ROBO2: variants seen among roughly 807,000 people sequenced by gnomAD.
The protein encoded by ROBO2 is roundabout homolog 2.
ROBO2 carries 53 observed loss-of-function variants against 160.8 expected under a neutral mutation model. The ratio of observed to expected loss-of-function variants is 0.33; its 90% CI spans 0.26 to 0.41. The LOEUF (loss-of-function observed/expected upper bound fraction) is 0.41, where lower values mean the gene tolerates loss of function less well. Among genes scored for constraint, ROBO2 ranks in the 10% least tolerant of loss-of-function variants. ROBO2 has a pLI of 1.00. For synonymous variants in ROBO2, 664 were observed against 611.7 expected (o/e 1.09, Z -1.26); for missense variants, 1,577 against 1,722.4 (o/e 0.92, Z 1.49).
intron 2 of ROBO2, among the ~76,000 whole-genome samples, chr3:76,657,731 A>T (rs13315480): frequency 0.084 from 11,101 of 132,044 alleles, 472 homozygotes; most frequent in Non-Finnish European, 0.093. Flanking sequence ...TTCATATATG[A>T]GTGTATATAT....
At chr3:76,729,344 C>G (rs558042951) in intron 2 of ROBO2, among the ~76,000 whole-genome samples, 1 of 151,910 alleles carries the variant, frequency 6.6e-6, no homozygotes, top group Admixed American at 6.6e-5. Context: ...TAGAAATTGA[C>G]TCTGAAAACA....
At chr3:76,492,138 C>T (rs552697840) in intron 2 of ROBO2, among the ~76,000 whole-genome samples, 1 of 151,814 alleles carries the variant, frequency 6.6e-6, no homozygotes, top group Non-Finnish European at 1.5e-5. Flanking sequence ...AAAAAAAACA[C>T]CCCCAAAACT....
chr3:75,950,688 G>A (rs1371192715), intron 2 of ROBO2, among the ~76,000 whole-genome samples: 3 of 150,134 alleles, frequency 2.0e-5, no homozygotes, highest in African/African-American at 7.4e-5. Context: ...TCTGTGTAGA[G>A]CTTATGTATT....
chr3:77,468,837 G>C (rs1041766932), intron 2 of ROBO2, among the ~76,000 whole-genome samples: 1 of 152,210 alleles, frequency 6.6e-6, no homozygotes, highest in African/African-American at 2.4e-5. Flanking sequence ...GGAGGTGGGG[G>C]TGAGAGCTTC....
intron 5 of ROBO2, among the ~76,000 whole-genome samples, chr3:77,506,840 GATA>G (rs1561025706): frequency 6.6e-6 from 1 of 152,062 alleles, no homozygotes; most frequent in African/African-American, 2.4e-5. Flanking sequence ...ACACTTCGAA[GATA>G]ATAATCTTTT....
chr3:76,598,893 TAAGA>T, intron 2 of ROBO2, among the ~76,000 whole-genome samples: 1 of 152,164 alleles, frequency 6.6e-6, no homozygotes, highest in Non-Finnish European at 1.5e-5. Flanking sequence ...CAACAGCTAC[TAAGA>T]AAGTATATAA....
chr3:76,021,142 A>G (rs2066563480), intron 2 of ROBO2, among the ~76,000 whole-genome samples: 1 of 151,798 alleles, frequency 6.6e-6, no homozygotes, highest in South Asian at 2.1e-4. Context: ...AAAGAAGGGT[A>G]ACAGTGTGAA....
chr3:77,063,439 GT>G (rs2066523967), intron 1 of ROBO2, among the ~76,000 whole-genome samples: 1 of 152,156 alleles, frequency 6.6e-6, no homozygotes, highest in Non-Finnish European at 1.5e-5. Context: ...ATAATTAGGA[GT>G]TTCACCAGAA....
intron 2 of ROBO2, among the ~76,000 whole-genome samples, chr3:76,220,358 A>C (rs1034931617): frequency 1.3e-5 from 2 of 151,726 alleles, no homozygotes; most frequent in African/African-American, 2.4e-5. Context: ...CAAAAAAAAA[A>C]CTCGATCCCC....
chr3:76,851,970 G>T (rs2148544519), intron 2 of ROBO2, among the ~76,000 whole-genome samples: 1 of 152,082 alleles, frequency 6.6e-6, no homozygotes, highest in African/African-American at 2.4e-5. Flanking sequence ...AGGCTTAATA[G>T]AAGGAGAGAA....
intron 2 of ROBO2, among the ~76,000 whole-genome samples, chr3:76,863,945 G>C (rs1031983687): frequency 6.6e-6 from 1 of 151,956 alleles, no homozygotes; most frequent in Non-Finnish European, 1.5e-5. Flanking sequence ...ATCCTGATGA[G>C]AATTAAGGAA....
chr3:76,843,381 T>C (rs2148485146), intron 2 of ROBO2, among the ~76,000 whole-genome samples: 1 of 152,102 alleles, frequency 6.6e-6, no homozygotes, highest in East Asian at 1.9e-4. Flanking sequence ...ACATTGTTGG[T>C]ATAGTAAATA....
intron 12 of ROBO2, among the ~76,000 whole-genome samples, chr3:77,566,539 G>A (rs1384140087): frequency 6.6e-6 from 1 of 152,040 alleles, no homozygotes; most frequent in Non-Finnish European, 1.5e-5. Context: ...TTTGTGCATA[G>A]AAATAGTTTT....
At chr3:76,948,345 T>C (rs1264901656) in intron 2 of ROBO2, among the ~76,000 whole-genome samples, 1 of 152,126 alleles carries the variant, frequency 6.6e-6, no homozygotes, top group Non-Finnish European at 1.5e-5. Flanking sequence ...TATCAATTAA[T>C]GTTTTCTAAC....
At chr3:77,592,368 C>T (rs79828758) in intron 17 of ROBO2, among the ~76,000 whole-genome samples, 17,924 of 151,864 alleles carry the variant, frequency 0.12, 1,153 homozygotes, top group Admixed American at 0.15. Context: ...TTAATGATGA[C>T]GGGAACAGAA....
At chr3:76,070,737 C>A (rs144692361) in intron 2 of ROBO2, among the ~76,000 whole-genome samples, 1 of 152,010 alleles carries the variant, frequency 6.6e-6, no homozygotes, top group East Asian at 1.9e-4. Flanking sequence ...TGTGATGTCT[C>A]CCCCAGACGC....
intron 2 of ROBO2, among the ~76,000 whole-genome samples, chr3:76,025,486 T>C (rs926742561): frequency 1.8e-4 from 27 of 151,750 alleles, no homozygotes; most frequent in Non-Finnish European, 3.8e-4. Flanking sequence ...ACACTATAGA[T>C]CATCCAAGAG....
At chr3:77,102,479 C>T (rs534751248) in intron 2 of ROBO2, among the ~76,000 whole-genome samples, 1 of 152,092 alleles carries the variant, frequency 6.6e-6, no homozygotes, top group Non-Finnish European at 1.5e-5. Context: ...CTAGATGTAC[C>T]TAAGTAGTCA....
At chr3:77,320,785 A>T (rs1231036128) in intron 2 of ROBO2, among the ~76,000 whole-genome samples, 3 of 152,184 alleles carry the variant, frequency 2.0e-5, no homozygotes, top group Non-Finnish European at 2.9e-5. Flanking sequence ...ACTACAAGCG[A>T]TTTAAAAAAA....
Sources: gnomAD v4.1 joint callset for allele counts (sites outside exome capture counted in the v4.1 genomes callset) on GRCh38, gnomAD v4.1.1 for gene constraint, MANE v1.5 for transcripts, NCBI Gene and HGNC (gene_info 2026-07-23, HGNC 2026-07-21) for gene names.